Variants in THRB observed in about 807,000 individuals in gnomAD.
The protein encoded by THRB is thyroid hormone receptor beta.
Under a neutral mutation model 47.8 loss-of-function variants are expected in THRB, and 12 were observed. The ratio of observed to expected loss-of-function variants is 0.25; its 90% CI spans 0.16 to 0.41. The LOEUF is 0.41. Ranked by LOEUF, THRB falls within the 10% of genes least tolerant of loss-of-function variation. The probability of loss-of-function intolerance (pLI) is 1.00; values close to 1 mark genes in which losing one functional copy is unlikely to be tolerated. For missense variants in THRB, 348 were observed against 589.2 expected (o/e 0.59, Z 4.24); for synonymous variants, 218 against 212.2 (o/e 1.03, Z -0.24).
Position 24,118,323 on chromosome 3 carries a change from A to AT in THRB, c.*4560dup, listed in dbSNP as rs2031016372. The AT allele has an allele frequency of 6.6e-6, 1 of 152,594 alleles. No individual in the cohort carries two copies. Among genetic ancestry groups the AT allele is most frequent in the South Asian group, 2.1e-4 (1 of 4,826 alleles). 9.5% of individuals were successfully genotyped at this position (152,594 alleles called of 1,614,324 possible). ...GCATACAAAAGCTATGTAAAAATCC[A>AT]TTTTTCCCAAATATACAAATTTTTT... On this transcript the variant is annotated 3_prime_UTR_variant, in exon 11 of 11. Transcript: ENST00000646209.
chr3:24,365,468 A>G (rs1400250653), intron 1 of THRB, among the ~76,000 whole-genome samples: 1 of 152,232 alleles, frequency 6.6e-6, no homozygotes, highest in Non-Finnish European at 1.5e-5. Context: ...TGGCTGCTTT[A>G]TAAGGTCCCC....
At chr3:24,317,066 C>T (rs2058166811) in intron 2 of THRB, among the ~76,000 whole-genome samples, 1 of 152,308 alleles carries the variant, frequency 6.6e-6, no homozygotes, top group Non-Finnish European at 1.5e-5. Context: ...ACTCACCCAC[C>T]AGGCAGTTGC....
chr3:24,388,007 C>T (rs1025383115), intron 1 of THRB, among the ~76,000 whole-genome samples: 11 of 152,070 alleles, frequency 7.2e-5, no homozygotes, highest in Non-Finnish European at 1.3e-4. Context: ...TGCAGAAAAA[C>T]CTATCTACAG....
chr3:24,180,603 A>G (rs2041771704), intron 5 of THRB, among the ~76,000 whole-genome samples: 1 of 152,176 alleles, frequency 6.6e-6, no homozygotes, highest in African/African-American at 2.4e-5. Context: ...TTACTTGAAA[A>G]GCTCAGCTGT....
intron 1 of THRB, among the ~76,000 whole-genome samples, chr3:24,357,367 A>AC (rs1379471336): frequency 4.2e-4 from 61 of 146,766 alleles, no homozygotes; most frequent in Non-Finnish European, 6.3e-4. Flanking sequence ...AAAAAAAAAA[A>AC]AAAAAAACAA....
At chr3:24,380,341 T>C (rs1577206212) in intron 1 of THRB, among the ~76,000 whole-genome samples, 1 of 151,952 alleles carries the variant, frequency 6.6e-6, no homozygotes, top group Non-Finnish European at 1.5e-5. Context: ...CCTTTATAAT[T>C]TGGTGCCTCC....
intron 3 of THRB, among the ~76,000 whole-genome samples, chr3:24,256,867 T>C (rs1246532782): frequency 6.6e-6 from 1 of 152,246 alleles, no homozygotes. Context: ...AAGAGTATGT[T>C]GAACAGAGAT....
chr3:24,118,917 T>G lies in THRB; in HGVS notation c.*3967A>C. ...GCACACTTTTCGCATTTGCAAACATTTATACAGCACAGTAAAAATTCTGTG... is the reference window on the plus strand; with the variant it reads ...GCACACTTTTCGCATTTGCAAACATGTATACAGCACAGTAAAAATTCTGTG... On this transcript the variant is annotated 3_prime_UTR_variant, in exon 11 of 11. Coordinates refer to ENST00000646209, the MANE Select transcript of THRB (RefSeq NM_001354712.2). 6.6e-6 allele frequency: 1 copy of G among 151,504 alleles called. No homozygotes were observed. The highest frequency in any genetic ancestry group is 1.5e-5 in the Non-Finnish European group (1 of 67,906). 9.4% of individuals were successfully genotyped at this position (151,504 alleles called of 1,614,324 possible). A position where few individuals can be genotyped will look rare whatever the true frequency, so the allele number is the denominator to read the frequency against.
chr3:24,214,875 AT>A lies in THRB; in HGVS notation c.22+14062del, dbSNP rs2046406719. Among the ~76,000 whole-genome samples the A allele has an allele frequency of 3.9e-5, 6 of 152,348 alleles. No individual in the cohort carries two copies. In the South Asian group the frequency reaches 1.2e-3, roughly 32 times the overall value. On this transcript the variant is annotated intron_variant, in intron 4 of 10. Coordinates refer to ENST00000646209, the MANE Select transcript of THRB (RefSeq NM_001354712.2). ...TTACTCTTGTTGGGACTGAACAAGT[AT>A]TTGTTTGCAGCTCAAATCATTATGT...
intron 4 of THRB, among the ~76,000 whole-genome samples, chr3:24,207,255 G>A (rs565781864): frequency 8.6e-5 from 13 of 152,030 alleles, no homozygotes; most frequent in South Asian, 4.2e-4. Flanking sequence ...AATAAAATAC[G>A]GGCAAACTGA....
At chr3:24,247,295 T>C (rs769998835) in intron 3 of THRB, among the ~76,000 whole-genome samples, 31 of 152,260 alleles carry the variant, frequency 2.0e-4, no homozygotes, top group Admixed American at 3.9e-4. Flanking sequence ...AAGGCGATAA[T>C]AGCAATAGCA....
intron 3 of THRB, among the ~76,000 whole-genome samples, chr3:24,288,190 G>A (rs919327029): frequency 1.3e-5 from 2 of 152,254 alleles, no homozygotes; most frequent in Non-Finnish European, 2.9e-5. Context: ...AAGGAAGGCT[G>A]GGTGAAGGCC....
At chr3:24,235,368 A>G (rs1383458316) in intron 3 of THRB, among the ~76,000 whole-genome samples, 1 of 152,116 alleles carries the variant, frequency 6.6e-6, no homozygotes, top group East Asian at 1.9e-4. Context: ...AGACCTGGTG[A>G]GTCATTGTTT....
intron 4 of THRB, among the ~76,000 whole-genome samples, chr3:24,193,868 C>T (rs369166282): frequency 1.7e-3 from 263 of 152,232 alleles, no homozygotes; most frequent in African/African-American, 6.1e-3. Context: ...ATGGAACCAG[C>T]CCAAATGCCC....
intron 5 of THRB, among the ~76,000 whole-genome samples, chr3:24,169,416 A>G (rs189247851): frequency 4.6e-5 from 7 of 152,248 alleles, no homozygotes; most frequent in Non-Finnish European, 1.0e-4. Context: ...TCTAGGGATT[A>G]CGGAAGAATG....
At chr3:24,315,817 T>A (rs2058077095) in intron 2 of THRB, among the ~76,000 whole-genome samples, 1 of 152,222 alleles carries the variant, frequency 6.6e-6, no homozygotes, top group Non-Finnish European at 1.5e-5. Flanking sequence ...CTAATTATGC[T>A]GCTTATAACT....
intron 4 of THRB, among the ~76,000 whole-genome samples, chr3:24,196,781 A>G (rs943892049): frequency 1.3e-5 from 2 of 152,216 alleles, no homozygotes; most frequent in African/African-American, 4.8e-5. Flanking sequence ...TGGGAGAAGA[A>G]TTTTGGTGAA....
intron 1 of THRB, among the ~76,000 whole-genome samples, chr3:24,347,343 A>G (rs2063083899): frequency 6.6e-6 from 1 of 152,004 alleles, no homozygotes; most frequent in South Asian, 2.1e-4. Flanking sequence ...CATTTCAAGA[A>G]GCCCTAAAAA....
chr3:24,377,386 T>C (rs2065370868), intron 1 of THRB, among the ~76,000 whole-genome samples: 1 of 152,062 alleles, frequency 6.6e-6, no homozygotes, highest in African/African-American at 2.4e-5. Context: ...CCAGTGACTG[T>C]CCTCTTTGGC....
Sources: gnomAD v4.1 joint callset for allele counts (sites outside exome capture counted in the v4.1 genomes callset) on GRCh38, gnomAD v4.1.1 for gene constraint, MANE v1.5 for transcripts, NCBI Gene and HGNC (gene_info 2026-07-23, HGNC 2026-07-21) for gene names.